The following CCP110 variants were observed in gnomAD, a reference collection of about 807,000 sequenced individuals.
CCP110 encodes the protein centriolar coiled-coil protein 110.
CCP110 carries 43 observed loss-of-function variants against 105.5 expected under a neutral mutation model. The observed-to-expected ratio is 0.41, with a 90% CI of 0.32 to 0.53. The LOEUF is 0.53. Ranked by LOEUF, CCP110 falls within the 20% of genes least tolerant of loss-of-function variation. The pLI is 0.32. For synonymous variants in CCP110, 353 were observed against 392.1 expected, an observed-to-expected ratio of 0.90 and a Z score of 1.18; for missense variants, 1,016 against 1,189.1, an observed-to-expected ratio of 0.85 and a Z score of 2.14.
chr16:19,533,985 A>G (rs765322321), intron 3 of CCP110, among the ~76,000 whole-genome samples: 1 of 152,220 alleles, frequency 6.6e-6, no homozygotes. Flanking sequence ...AAAAAGTCAA[A>G]GGAATATATA....
Position 19,540,727 on chromosome 16 carries a change from C to T in CCP110, c.1989C>T (p.His663=), listed in dbSNP as rs373240474. Reference sequence around the variant, plus strand: ...TGCGGAAGAGACTAGAAGAACAGCACGCCCAGCAATTATCACTACTCATAG... The same window carrying T: ...TGCGGAAGAGACTAGAAGAACAGCATGCCCAGCAATTATCACTACTCATAG... Residue 663 remains histidine (H), a synonymous_variant, in exon 5 of 15, where the codon CAC becomes CAT. Transcript: ENST00000381396. The T allele has an allele frequency of 1.7e-4, 273 of 1,612,724 alleles. 1 individual carries two copies. Among genetic ancestry groups the T allele is most frequent in the Admixed American group, 5.5e-4 (33 of 60,002 alleles).
chr16:19,529,477 A>G (rs1237338094), intron 2 of CCP110, among the ~76,000 whole-genome samples: 1 of 152,228 alleles, frequency 6.6e-6, no homozygotes, highest in African/African-American at 2.4e-5. Flanking sequence ...TAGTGCAGTG[A>G]CCACCCATAG....
chr16:19,535,980 A>G, exon 4 of CCP110: 6 of 1,612,004 alleles, frequency 3.7e-6, no homozygotes, highest in Middle Eastern at 1.7e-4. Context: ...GATCAGTGGG[A>G]GATGGAAACA....
intron 3 of CCP110, among the ~76,000 whole-genome samples, chr16:19,534,896 T>TC (rs1191370383): frequency 7.7e-6 from 1 of 130,670 alleles, no homozygotes; most frequent in Non-Finnish European, 1.6e-5. Flanking sequence ...TTTTTTTTTT[T>TC]CTGAGATGGA....
In CCP110 at chr16:19,545,736, C is replaced by T. The variant is rs1291002869; in HGVS notation, c.2704-81C>T. The T allele has an allele frequency of 4.1e-6, 3 of 735,684 alleles. No individual in the cohort carries two copies. The African/African-American group carries it at 5.4e-5, about 13-fold the overall frequency. 45.6% of individuals were successfully genotyped at this position (735,684 alleles called of 1,614,324 possible). On this transcript the variant is annotated intron_variant, in intron 10 of 14. Transcript: ENST00000381396. ...GTTAGTAGAGAGAAGCTTTTCCAGGCAATGTGGGATTATAATACATTATAA... is the reference window on the plus strand; with the variant it reads ...GTTAGTAGAGAGAAGCTTTTCCAGGTAATGTGGGATTATAATACATTATAA...
chr16:19,549,922 A>C (rs1397838450), intron 14 of CCP110, among the ~76,000 whole-genome samples: 1 of 152,222 alleles, frequency 6.6e-6, no homozygotes, highest in Non-Finnish European at 1.5e-5. Flanking sequence ...GCAATACTCA[A>C]CAGTATAAAG....
chr16:19,527,798 C>A, intron 1 of CCP110, 69 bp from the exon 2 acceptor site: 4 of 1,344,550 alleles, frequency 3.0e-6, no homozygotes, highest in Non-Finnish European at 4.1e-6. Flanking sequence ...TCATGCTCTA[C>A]AAAATCTGCC....
chr16:19,552,588 A>AG (rs796882171), exon 15 of CCP110: 5 of 151,862 alleles, frequency 3.3e-5, no homozygotes, highest in African/African-American at 1.2e-4. Context: ...TGACTTCATG[A>AG]GGGAGAATGT....
Position 19,530,568 on chromosome 16 carries a change from C to G in CCP110, c.142-1848C>G, listed in dbSNP as rs941947824. 5.9e-5 allele frequency among the ~76,000 whole-genome samples: 9 copies of G among 151,858 alleles called. 1 individual carries two copies. The East Asian group carries it at 1.4e-3, about 23-fold the overall frequency. On this transcript the variant is annotated intron_variant, in intron 2 of 14. Coordinates refer to ENST00000381396, the Ensembl canonical transcript of CCP110. ...GGCTGAGGCAGGAGGATCCCTTGAA[C>G]CCAGGAGGCGAAGGTTGCAGTGAGC... is the stretch of plus-strand genomic sequence containing the variant.
intron 1 of CCP110, chr16:19,525,936 A>T (rs1008258530): frequency 6.6e-6 from 1 of 152,664 alleles, no homozygotes; most frequent in Non-Finnish European, 1.5e-5. Context: ...AGATGGGGTC[A>T]TCAGGGATGC....
intron 5 of CCP110, 68 bp downstream of exon 5, chr16:19,540,855 C>A: frequency 6.8e-7 from 1 of 1,473,618 alleles, no homozygotes; most frequent in South Asian, 1.2e-5. Context: ...GAATTTTGGT[C>A]ATGTATAGAA....
At chr16:19,540,371 A>G (rs1300728166) in intron 4 of CCP110, among the ~76,000 whole-genome samples, 1 of 152,236 alleles carries the variant, frequency 6.6e-6, no homozygotes, top group Non-Finnish European at 1.5e-5. Flanking sequence ...AGTTAAGTAG[A>G]GTCAGGAGAA....
intron 4 of CCP110, among the ~76,000 whole-genome samples, chr16:19,539,726 A>C (rs1201530908): frequency 1.3e-5 from 2 of 152,052 alleles, no homozygotes; most frequent in Non-Finnish European, 2.9e-5. Flanking sequence ...TGGATCCTCC[A>C]AGTAGATAGC....
intron 10 of CCP110, 128 bp from the exon 11 acceptor site, chr16:19,545,689 A>T (rs181501452): frequency 6.3e-4 from 394 of 627,010 alleles, no homozygotes; most frequent in South Asian, 1.1e-3. Flanking sequence ...ACAAAACAAG[A>T]TGATTTAACT....
exon 13 of CCP110, chr16:19,547,976 ACAGAATGCACCTGTT>A: frequency 6.2e-7 from 1 of 1,612,386 alleles, no homozygotes; most frequent in Non-Finnish European, 8.5e-7. Flanking sequence ...CAAACCAAGG[ACAGAATGCACCTGTT>A]CATAGGCTAC....
intron 11 of CCP110, 161 bp downstream of exon 11, chr16:19,546,051 C>G (rs1970447260): frequency 1.8e-6 from 1 of 556,644 alleles, no homozygotes; most frequent in Admixed American, 3.4e-5. Flanking sequence ...AAATCAGGTG[C>G]TAAAATCTCA....
At position 19,541,112 on chromosome 16, in the gene CCP110, C is replaced by T. The variant is rs575344446; in HGVS notation, c.2049+325C>T. Among the ~76,000 whole-genome samples, 228 of 151,922 alleles carry T rather than the reference C, an allele frequency of 1.5e-3. 1 individual carries two copies. Among genetic ancestry groups the T allele is most frequent in the Middle Eastern group, 3.4e-3 (1 of 294 alleles). The stretch of plus-strand genomic sequence containing the variant: ...TCATAAAAATGACACTCATGCTGGG[C>T]GTGGTATCATGAGCCTGTAGTCCCA... On this transcript the variant is annotated intron_variant, in intron 5 of 14. Transcript: ENST00000381396.
At chr16:19,534,038 A>G (rs533021186) in intron 3 of CCP110, among the ~76,000 whole-genome samples, 1 of 152,306 alleles carries the variant, frequency 6.6e-6, no homozygotes, top group East Asian at 1.9e-4. Context: ...TAGTATTAAG[A>G]GAATTGTTAA....
exon 15 of CCP110, chr16:19,551,955 T>C (rs1970655153): frequency 6.6e-6 from 1 of 152,180 alleles, no homozygotes; most frequent in South Asian, 2.1e-4. Flanking sequence ...GGTAACAAAT[T>C]TGGGGAAGAC....
Sources: allele counts gnomAD v4.1 joint callset (sites outside exome capture counted in the v4.1 genomes callset), GRCh38; gene constraint gnomAD v4.1.1; transcripts MANE v1.5; gene names NCBI Gene and HGNC (gene_info 2026-07-23, HGNC 2026-07-21).